TLL1: variants seen among roughly 807,000 people sequenced by gnomAD.
The protein encoded by TLL1 is tolloid like 1, also known as tolloid-like protein 1.
TLL1 carries 49 observed loss-of-function variants against 128.2 expected under a neutral mutation model. The observed-to-expected ratio is 0.38, with a 90% CI of 0.30 to 0.48. The LOEUF is 0.48. TLL1 is among the 20% of genes least tolerant of loss of function. The probability of loss-of-function intolerance (pLI) is 0.96; values close to 1 mark genes in which losing one functional copy is unlikely to be tolerated. For synonymous variants in TLL1, 454 were observed against 418.8 expected (o/e 1.08, Z -1.03); for missense variants, 1,123 against 1,242.0 (o/e 0.90, Z 1.44).
chr4:166,100,354 A>G (rs1742232421), intron 20 of TLL1, among the ~76,000 whole-genome samples: 1 of 152,116 alleles, frequency 6.6e-6, no homozygotes, highest in African/African-American at 2.4e-5. Context: ...TCTGCTCCAG[A>G]GCAGCTTCTG....
At chr4:165,939,699 T>C (rs1733918116) in intron 1 of TLL1, among the ~76,000 whole-genome samples, 3 of 152,036 alleles carry the variant, frequency 2.0e-5, no homozygotes, top group African/African-American at 7.2e-5. Flanking sequence ...CTATCTACTT[T>C]TTCTTTGAGT....
At chr4:166,025,617 CT>C (rs1738460153) in intron 9 of TLL1, among the ~76,000 whole-genome samples, 186 bp downstream of exon 9, 1 of 152,086 alleles carries the variant, frequency 6.6e-6, no homozygotes, top group Admixed American at 6.5e-5. Flanking sequence ...TAATTTTAAA[CT>C]TTTTGATGCA....
At chr4:165,963,943 C>T (rs1735246353) in intron 1 of TLL1, among the ~76,000 whole-genome samples, 1 of 152,066 alleles carries the variant, frequency 6.6e-6, no homozygotes. Context: ...TGTGTTAAAC[C>T]ATATCTTTAT....
intron 1 of TLL1, among the ~76,000 whole-genome samples, chr4:165,933,815 A>G (rs954577022): frequency 6.6e-6 from 1 of 152,228 alleles, no homozygotes; most frequent in Admixed American, 6.5e-5. Context: ...AGTATGTCCG[A>G]GCAGCTCCCC....
Position 165,902,570 on chromosome 4 carries a change from G to A in TLL1, c.169+28497G>A, listed in dbSNP as rs117775724. Among the ~76,000 whole-genome samples, 232 of 152,220 alleles carry A rather than the reference G, an allele frequency of 1.5e-3. 2 individuals are homozygous for A. The East Asian group carries it at 0.037, about 24-fold the overall frequency. The stretch of plus-strand genomic sequence containing the variant: ...ACTCCTTCTGCTTCCTGGGTGAGGC[G>A]ACGCCCCACCCTGCTTTGGCTTGCC... On this transcript the variant is annotated intron_variant, in intron 1 of 20. Coordinates refer to ENST00000061240, the MANE Select transcript of TLL1 (RefSeq NM_012464.5).
intron 11 of TLL1, among the ~76,000 whole-genome samples, 189 bp from the exon 12 acceptor site, chr4:166,043,085 A>G (rs1191217256): frequency 6.9e-6 from 1 of 144,942 alleles, no homozygotes; most frequent in Non-Finnish European, 1.5e-5. Flanking sequence ...TAATATTTGT[A>G]GTTACTTTAC....
At chr4:166,018,848 T>G (rs115507989) in intron 8 of TLL1, among the ~76,000 whole-genome samples, 17,856 of 152,246 alleles carry the variant, frequency 0.12, 1,069 homozygotes, top group Non-Finnish European at 0.13. Context: ...ACTTACACAC[T>G]GTTGATGGGA....
intron 8 of TLL1, among the ~76,000 whole-genome samples, chr4:166,020,596 C>A (rs1189429174): frequency 6.6e-6 from 1 of 152,166 alleles, no homozygotes; most frequent in Non-Finnish European, 1.5e-5. Flanking sequence ...TTACCCTACT[C>A]ATAGGATTAC....
At chr4:166,031,894 C>T (rs1738787533) in intron 9 of TLL1, among the ~76,000 whole-genome samples, 1 of 152,054 alleles carries the variant, frequency 6.6e-6, no homozygotes, top group Non-Finnish European at 1.5e-5. Context: ...TGAGTGCCTA[C>T]ACTACACTAG....
At chr4:166,055,047 A>G (rs771708345) in intron 12 of TLL1, 29 bp from the exon 13 acceptor site, 3 of 1,586,806 alleles carry the variant, frequency 1.9e-6, no homozygotes, top group African/African-American at 2.7e-5. Context: ...CTATAAACAT[A>G]TATTTTCACA....
chr4:165,877,270 G>A (rs1181338267), intron 1 of TLL1, among the ~76,000 whole-genome samples: 1 of 152,224 alleles, frequency 6.6e-6, no homozygotes, highest in Non-Finnish European at 1.5e-5. Context: ...AGTGATAGTA[G>A]GTGAGTCAGT....
rs1186488389 is a variant in TLL1, at chr4:166,051,295, C to T, written c.1525-3781C>T. On this transcript the variant is annotated intron_variant, in intron 12 of 20. Transcript: ENST00000061240. ...CCTCCCTCCCTTCTTTCTTCCCTCCCTCCTTTCCTTCCTTCCTTCCTTCCT... is the reference window on the plus strand; with the variant it reads ...CCTCCCTCCCTTCTTTCTTCCCTCCTTCCTTTCCTTCCTTCCTTCCTTCCT... Among the ~76,000 whole-genome samples, 78 of 131,622 alleles carry T rather than the reference C, an allele frequency of 5.9e-4. 1 individual carries two copies. Among genetic ancestry groups the T allele is most frequent in the South Asian group, 1.3e-3 (5 of 3,742 alleles). The allele number at this position is 131,622 out of a possible 152,430, so 86.3% of individuals were successfully genotyped here.
intron 9 of TLL1, among the ~76,000 whole-genome samples, chr4:166,034,561 A>G (rs1738911452): frequency 6.6e-6 from 1 of 152,168 alleles, no homozygotes; most frequent in South Asian, 2.1e-4. Context: ...TGAAATGGAG[A>G]AGAGTAAAAT....
rs1463508946 is a variant in TLL1, at chr4:165,873,725, T to C, written c.-180T>C. The C allele has an allele frequency of 1.1e-5, 7 of 629,972 alleles. No homozygotes were observed. Among genetic ancestry groups the C allele is most frequent in the Non-Finnish European group, 1.7e-5 (6 of 360,450 alleles). The allele number at this position is 629,972 out of a possible 1,614,324, so 39.0% of individuals were successfully genotyped here. A position where few individuals can be genotyped will look rare whatever the true frequency, so the allele number is the denominator to read the frequency against. On this transcript the variant is annotated 5_prime_UTR_variant, in exon 1 of 21. Transcript: ENST00000061240. ...TGCGACTGGGGGTAACAGGCAGTGC[T>C]TGCCCTCTCTACTGTCCCGGCGGCA...
At chr4:165,932,658 AGTTT>A (rs1437784701) in intron 1 of TLL1, among the ~76,000 whole-genome samples, 2 of 149,266 alleles carry the variant, frequency 1.3e-5, no homozygotes, top group South Asian at 2.2e-4. Flanking sequence ...TTTTTTTTAG[AGTTT>A]GTTTGTAATC....
chr4:165,970,532 C>G (rs1167004921), intron 1 of TLL1, among the ~76,000 whole-genome samples: 3 of 152,136 alleles, frequency 2.0e-5, no homozygotes, highest in African/African-American at 7.2e-5. Flanking sequence ...AACCTTCTTT[C>G]TTCACAGGAG....
intron 16 of TLL1, among the ~76,000 whole-genome samples, chr4:166,070,460 T>G (rs1740762932): frequency 6.6e-6 from 1 of 152,018 alleles, no homozygotes; most frequent in Non-Finnish European, 1.5e-5. Flanking sequence ...CTGCCTTTTA[T>G]AGGCAACCCT....
intron 1 of TLL1, among the ~76,000 whole-genome samples, chr4:165,946,499 A>ATTT (rs59178153): frequency 5.4e-5 from 7 of 128,946 alleles, no homozygotes; most frequent in South Asian, 2.4e-4. Flanking sequence ...TACCCAGCTA[A>ATTT]TTTTTTTTTT....
At chr4:166,063,034 A>C (rs1740404265) in intron 15 of TLL1, among the ~76,000 whole-genome samples, 1 of 152,028 alleles carries the variant, frequency 6.6e-6, no homozygotes, top group Admixed American at 6.6e-5. Flanking sequence ...TTGATTTGCT[A>C]ACATCAGAGT....
Sources: allele counts gnomAD v4.1 joint callset (sites outside exome capture counted in the v4.1 genomes callset), GRCh38; gene constraint gnomAD v4.1.1; transcripts MANE v1.5; gene names NCBI Gene and HGNC (gene_info 2026-07-23, HGNC 2026-07-21).